VAV1: variants seen among roughly 807,000 people sequenced by gnomAD.
The protein encoded by VAV1 is vav guanine nucleotide exchange factor 1.
VAV1 carries 33 observed loss-of-function variants against 128.1 expected under a neutral mutation model. The ratio of observed to expected loss-of-function variants is 0.26; its 90% CI spans 0.20 to 0.34. The LOEUF (loss-of-function observed/expected upper bound fraction) is 0.34, where lower values mean the gene tolerates loss of function less well. Among genes scored for constraint, VAV1 ranks in the 10% least tolerant of loss-of-function variants. The pLI, the probability that VAV1 is intolerant of heterozygous loss-of-function variation, is 1.00. For missense variants in VAV1, 715 were observed against 1,093.7 expected, an observed-to-expected ratio of 0.65 and a Z score of 4.88; for synonymous variants, 394 against 409.8, an observed-to-expected ratio of 0.96 and a Z score of 0.47.
rs774093642 is a variant in VAV1, at chr19:6,820,765, C to A, written c.268C>A (p.Arg90=). 52 of 1,614,100 alleles carry A rather than the reference C, an allele frequency of 3.2e-5. No homozygotes were observed. Among genetic ancestry groups the A allele is most frequent in the Non-Finnish European group, 4.2e-5 (50 of 1,180,044 alleles). Residue 90 remains arginine, a synonymous_variant, in exon 2 of 27, where the codon CGG becomes AGG. Transcript: ENST00000602142. This position sits in a 1 kb window ranked among gnomAD's most constrained non-coding sequence, Gnocchi z 4.4. ...CTGCTGTGAGAAGTTCGGCCTCAAG[C>A]GGAGCGAGCTCTTCGAAGCCTTTGA... ...STCCEKFGLK[R]SELFEAFDLF... is the part of the protein sequence containing the mutation.
intron 21 of VAV1, 54 bp downstream of exon 21, chr19:6,837,104 G>A: frequency 6.3e-7 from 1 of 1,586,402 alleles, no homozygotes; most frequent in South Asian, 1.1e-5. Context: ...GGCGGGTCCT[G>A]GGAGGATGGA....
rs200164438 is a variant in VAV1, at chr19:6,825,043, T to G, written c.655-10T>G. On this transcript the variant is annotated splice_polypyrimidine_tract_variant and intron_variant, in intron 6 of 26. Coordinates refer to ENST00000602142, the MANE Select transcript of VAV1 (RefSeq NM_005428.4). ...TTATCTTCCGTCATCTTTCTCTCCC[T>G]TCCCCGCAGCATTTCTTGAAGCCCC... The G allele has an allele frequency of 2.2e-5, 36 of 1,613,950 alleles. No homozygotes were observed. In the East Asian group the frequency reaches 8.0e-4, roughly 36 times the overall value.
intron 1 of VAV1, among the ~76,000 whole-genome samples, chr19:6,783,018 A>G (rs1970798287): frequency 6.6e-6 from 1 of 152,072 alleles, no homozygotes; most frequent in Non-Finnish European, 1.5e-5. Flanking sequence ...GGTTTCTACT[A>G]AAAATACATA....
rs574344031 is a variant in VAV1 at position 6,808,613 on chromosome 19, A to G, written c.205-12089A>G. Among the ~76,000 whole-genome samples the G allele has an allele frequency of 4.6e-5, 7 of 152,290 alleles. No homozygotes were observed. The South Asian group carries it at 1.2e-3, about 27-fold the overall frequency. ...TTGTCCTCAGTTTCCAAGAATACTC[A>G]TCACCATACTCACTTGCCAGCCAGA... On this transcript the variant is annotated intron_variant, in intron 1 of 26. Transcript: ENST00000602142.
chr19:6,853,450 G>A (rs929310542), intron 25 of VAV1, among the ~76,000 whole-genome samples: 1 of 151,868 alleles, frequency 6.6e-6, no homozygotes, highest in African/African-American at 2.4e-5. Flanking sequence ...CTGGCTGGGT[G>A]CGGTGGCTCA....
chr19:6,809,013 A>G (rs1971457445), intron 1 of VAV1, among the ~76,000 whole-genome samples: 1 of 152,028 alleles, frequency 6.6e-6, no homozygotes, highest in South Asian at 2.1e-4. Flanking sequence ...CAAAGCCTCT[A>G]TGGGCTAAAG....
At chr19:6,813,252 T>C (rs1971550482) in intron 1 of VAV1, among the ~76,000 whole-genome samples, 1 of 152,202 alleles carries the variant, frequency 6.6e-6, no homozygotes, top group Non-Finnish European at 1.5e-5. Context: ...CTGGGCCACA[T>C]AGAGCTTCAG....
intron 1 of VAV1, among the ~76,000 whole-genome samples, chr19:6,810,057 G>A (rs1457987846): frequency 6.6e-6 from 1 of 152,016 alleles, no homozygotes; most frequent in East Asian, 1.9e-4. Context: ...GTGCATGCCT[G>A]TAGTCCCAAC....
chr19:6,785,736 C>T (rs111757811), intron 1 of VAV1, among the ~76,000 whole-genome samples: 6,854 of 148,992 alleles, frequency 0.046, 258 homozygotes, highest in African/African-American at 0.1. Flanking sequence ...CTCAGCTCAC[C>T]GCAACCTCTG....
intron 24 of VAV1, among the ~76,000 whole-genome samples, chr19:6,851,839 C>T (rs952936225): frequency 1.3e-5 from 2 of 152,154 alleles, no homozygotes; most frequent in Non-Finnish European, 2.9e-5. Flanking sequence ...TTAGATTTCA[C>T]TTGATTCTCA....
intron 26 of VAV1, among the ~76,000 whole-genome samples, chr19:6,856,234 C>T (rs961472890): frequency 6.6e-6 from 1 of 150,986 alleles, no homozygotes; most frequent in African/African-American, 2.4e-5. Context: ...GAGGCGGAGG[C>T]TGTGGTGAGC....
chr19:6,818,629 T>C (rs182389592), intron 1 of VAV1, among the ~76,000 whole-genome samples: 6 of 152,298 alleles, frequency 3.9e-5, no homozygotes, highest in Non-Finnish European at 8.8e-5. Context: ...TATTTGGATA[T>C]GGAGTATTTA....
At chr19:6,780,738 A>AT (rs750659829) in intron 1 of VAV1, among the ~76,000 whole-genome samples, 3 of 146,616 alleles carry the variant, frequency 2.0e-5, no homozygotes, top group East Asian at 2.0e-4. Flanking sequence ...CATCCGGCTA[A>AT]TTTTTTTGTA....
In VAV1 at chr19:6,828,761, G is replaced by A; in HGVS notation, c.1179+53G>A. On this transcript the variant is annotated intron_variant, in intron 12 of 26. Transcript: ENST00000602142. The surrounding 1 kb of genome is among the most constrained non-coding windows in gnomAD (Gnocchi z 4.5). ...GGGTGTGGCCACGTGGGGAGAGTGT[G>A]TGTCTGGCTCCTTTCTTGGGAGACC... 5 of 1,614,078 alleles carry A rather than the reference G, an allele frequency of 3.1e-6. No individual in the cohort carries two copies. The highest frequency in any genetic ancestry group is 4.2e-6 in the Non-Finnish European group (5 of 1,179,932).
In VAV1 at chr19:6,833,198, C is replaced by T. The variant is rs769393831; in HGVS notation, c.1523C>T (p.Pro508Leu). The change falls in exon 16 of 27, where the codon CCG becomes CTG. Residue 508 changes from proline (P) to leucine (L), a missense_variant. By Grantham distance (98) the Pro-to-Leu change is moderately conservative. Transcript: ENST00000602142. The stretch of plus-strand genomic sequence containing the variant: ...TCCCCTGCCAGCTCCAACATCTATC[C>T]GGAGAATGCCACCGCCAACGGGCAT... ...QFEMAISNIY[P>L]ENATANGHDF... is the part of the protein sequence containing the mutation. 1 of 1,609,988 alleles carries T rather than the reference C, an allele frequency of 6.2e-7. No individual in the cohort carries two copies. The highest frequency in any genetic ancestry group is 1.1e-5 in the South Asian group (1 of 90,156).
At chr19:6,830,069 C>G (rs1175712823) in intron 14 of VAV1, 151 bp downstream of exon 14, 1 of 1,342,548 alleles carries the variant, frequency 7.4e-7, no homozygotes, top group Non-Finnish European at 1.0e-6. Context: ...TTGTTTTGTT[C>G]TGTTTTTTAA....
At chr19:6,775,650 T>C (rs1025936780) in intron 1 of VAV1, among the ~76,000 whole-genome samples, 1 of 152,192 alleles carries the variant, frequency 6.6e-6, no homozygotes. Context: ...CCCCTACCCA[T>C]TTTGTTGCCC....
At position 6,820,153 on chromosome 19, in the gene VAV1, T is replaced by C. The variant is rs1254655475; in HGVS notation, c.205-549T>C. Among the ~76,000 whole-genome samples, 2 of 152,220 alleles carry C rather than the reference T, an allele frequency of 1.3e-5. No homozygotes were observed. The highest frequency in any genetic ancestry group is 1.3e-4 in the Admixed American group (2 of 15,288). On this transcript the variant is annotated intron_variant, in intron 1 of 26. Coordinates refer to ENST00000602142, the MANE Select transcript of VAV1 (RefSeq NM_005428.4). The surrounding 1 kb of genome is among the most constrained non-coding windows in gnomAD (Gnocchi z 4.4). ...GGGCAACATAGCGAGACCTCGTCTCTACAAAAAATACAGAAATTAGCTGGG... is the reference window on the plus strand; with the variant it reads ...GGGCAACATAGCGAGACCTCGTCTCCACAAAAAATACAGAAATTAGCTGGG...
chr19:6,824,981 C>A, intron 6 of VAV1, 72 bp from the exon 7 acceptor site: 8 of 1,479,278 alleles, frequency 5.4e-6, no homozygotes, highest in Non-Finnish European at 6.6e-6. Context: ...CTGTCTCCTT[C>A]CCCTGTCTCT....
Sources: allele counts gnomAD v4.1 joint callset (sites outside exome capture counted in the v4.1 genomes callset), GRCh38; gene constraint gnomAD v4.1.1; non-coding constraint Gnocchi (gnomAD v3.1); transcripts MANE v1.5; gene names NCBI Gene and HGNC (gene_info 2026-07-23, HGNC 2026-07-21).